LEPR: variants seen among roughly 807,000 people sequenced by gnomAD.
LEPR encodes OB receptor.
Under a neutral mutation model 114.7 loss-of-function variants are expected in LEPR, and 56 were observed. That is an observed-to-expected ratio of 0.49 (90% CI 0.39 to 0.61). The LOEUF (loss-of-function observed/expected upper bound fraction) is 0.61. Ranked by LOEUF, LEPR falls within the 20% of genes least tolerant of loss-of-function variation. The pLI, the probability that LEPR is intolerant of heterozygous loss-of-function variation, is 0.00. For missense variants in LEPR, 1,202 were observed against 1,352.9 expected (o/e 0.89, Z 1.75); for synonymous variants, 443 against 461.4 (o/e 0.96, Z 0.51).
At chr1:65,538,337 C>T (rs1453361515) in intron 2 of LEPR, among the ~76,000 whole-genome samples, 1 of 151,894 alleles carries the variant, frequency 6.6e-6, no homozygotes, top group Non-Finnish European at 1.5e-5. Context: ...TCCTCCTTGC[C>T]ATCTCCTTTT....
At chr1:65,488,272 C>T (rs1570546569) in intron 2 of LEPR, among the ~76,000 whole-genome samples, 1 of 128,730 alleles carries the variant, frequency 7.8e-6, no homozygotes, top group African/African-American at 3.0e-5. Context: ...TTTCTCTTTC[C>T]TCTTTCTTTC....
intron 2 of LEPR, among the ~76,000 whole-genome samples, chr1:65,512,310 C>A (rs1434038832): frequency 6.6e-6 from 1 of 152,130 alleles, no homozygotes; most frequent in African/African-American, 2.4e-5. Context: ...CTGGGGATTA[C>A]AACTGGACAT....
In LEPR at chr1:65,550,955, C is replaced by T. The variant is rs374805156; in HGVS notation, c.-20-14591C>T. Among the ~76,000 whole-genome samples the T allele has an allele frequency of 6.6e-5, 10 of 151,920 alleles. No homozygotes were observed. In the East Asian group the frequency reaches 1.4e-3, roughly 21 times the overall value. ...GACCAGAGCTGTTCCTATTCGGCCA[C>T]CTTGGCTCCTCCCCCCATCATGTGG... On this transcript the variant is annotated intron_variant, in intron 2 of 19. Transcript: ENST00000349533.
rs141990947 is a variant in LEPR, at chr1:65,507,437, T to TTG, written c.-20-58087_-20-58086dup. Among the ~76,000 whole-genome samples, 1,347 of 138,770 alleles carry TTG rather than the reference T, an allele frequency of 9.7e-3. 20 individuals are homozygous for TTG. Among genetic ancestry groups the TTG allele is most frequent in the African/African-American group, 0.027 (1,010 of 37,592 alleles). 91.0% of individuals were successfully genotyped at this position (138,770 alleles called of 152,430 possible). The stretch of plus-strand genomic sequence containing the variant: ...TTTTAAAATGCTGAATAGTATTCCA[T>TTG]TGTGTGTGTGTGTGTGTGTGTGTAT... On this transcript the variant is annotated intron_variant, in intron 2 of 19. Transcript: ENST00000349533.
chr1:65,517,915 A>G (rs189973959), intron 2 of LEPR, among the ~76,000 whole-genome samples: 1 of 152,200 alleles, frequency 6.6e-6, no homozygotes, highest in African/African-American at 2.4e-5. Context: ...AGTTTACAGG[A>G]GCTACATAGA....
chr1:65,517,445 G>C lies in LEPR; in HGVS notation c.-20-48101G>C, dbSNP rs1287422199. On this transcript the variant is annotated intron_variant, in intron 2 of 19. Coordinates refer to ENST00000349533, the MANE Select transcript of LEPR (RefSeq NM_002303.6). ...TGAAAATAAGTTATCTCTGATCTCTGTCTGTATGTTACTTCTCTCCCCTCA... is the reference window on the plus strand; with the variant it reads ...TGAAAATAAGTTATCTCTGATCTCTCTCTGTATGTTACTTCTCTCCCCTCA... Among the ~76,000 whole-genome samples, 3 of 152,170 alleles carry C rather than the reference G, an allele frequency of 2.0e-5. No homozygotes were observed. The East Asian group carries it at 5.8e-4, about 29-fold the overall frequency.
intron 11 of LEPR, among the ~76,000 whole-genome samples, chr1:65,608,552 G>C (rs1656970726): frequency 6.6e-6 from 1 of 152,056 alleles, no homozygotes; most frequent in Admixed American, 6.5e-5. Context: ...TTTCAGTCAA[G>C]TCTATATTTG....
chr1:65,610,427 G>A lies in LEPR; in HGVS notation c.1995+131G>A, dbSNP rs957427474. 22 of 802,024 alleles carry A rather than the reference G, an allele frequency of 2.7e-5. No individual in the cohort carries two copies. The East Asian group carries it at 5.9e-4, about 22-fold the overall frequency. The allele number at this position is 802,024 out of a possible 1,614,324, so 49.7% of individuals were successfully genotyped here. On this transcript the variant is annotated intron_variant, in intron 14 of 19. Coordinates refer to ENST00000349533, the MANE Select transcript of LEPR (RefSeq NM_002303.6). The stretch of plus-strand genomic sequence containing the variant: ...TGTATTTTCATTGCATTTATGAGAT[G>A]TATTTAAAGAGAGCTAAGATGTACA...
intron 2 of LEPR, among the ~76,000 whole-genome samples, chr1:65,494,500 G>T (rs951664368): frequency 6.6e-6 from 1 of 151,986 alleles, no homozygotes; most frequent in Admixed American, 6.6e-5. Context: ...TCCTCCACTA[G>T]CATGTACCCC....
chr1:65,602,687 C>G (rs1440513120), intron 10 of LEPR, among the ~76,000 whole-genome samples: 2 of 151,918 alleles, frequency 1.3e-5, no homozygotes, highest in Non-Finnish European at 2.9e-5. Context: ...GTAGTGGAGA[C>G]TTTCAATTTG....
intron 2 of LEPR, among the ~76,000 whole-genome samples, chr1:65,438,188 T>C (rs1646592275): frequency 7.1e-6 from 1 of 141,342 alleles, no homozygotes; most frequent in Admixed American, 7.6e-5. Flanking sequence ...ATAAATAATA[T>C]AAATAAAATA....
chr1:65,573,669 T>C lies in LEPR; in HGVS notation c.494+1220T>C, dbSNP rs371042686. Among the ~76,000 whole-genome samples, 172 of 152,292 alleles carry C rather than the reference T, an allele frequency of 1.1e-3. 1 individual carries two copies. In the Middle Eastern group the frequency reaches 0.017, roughly 15 times the overall value. ...CTCGCTTCCTTCAGTTCTGCAGTTA[T>C]TGAGATAATACCGTTGAGGAGCAAT... On this transcript the variant is annotated intron_variant, in intron 5 of 19. Coordinates refer to ENST00000349533, the MANE Select transcript of LEPR (RefSeq NM_002303.6).
In LEPR at chr1:65,562,688, G is replaced by GT. The variant is rs1457725681; in HGVS notation, c.-20-2857dup. Among the ~76,000 whole-genome samples, 2 of 11,378 alleles carry GT rather than the reference G, an allele frequency of 1.8e-4. 1 individual carries two copies. Among genetic ancestry groups the GT allele is most frequent in the Non-Finnish European group, 3.2e-4 (2 of 6,192 alleles). The allele number at this position is 11,378 out of a possible 152,430, so 7.5% of individuals were successfully genotyped here. A position where few individuals can be genotyped will look rare whatever the true frequency, so the allele number is the denominator to read the frequency against. ...TTTTGGCATGATTTTGCAGCGGCTGGTACCGGTTGTTCCTTTCCATGTTTA... is the reference window on the plus strand; with the variant it reads ...TTTTGGCATGATTTTGCAGCGGCTGGTTACCGGTTGTTCCTTTCCATGTTTA... On this transcript the variant is annotated intron_variant, in intron 2 of 19. Coordinates refer to ENST00000349533, the MANE Select transcript of LEPR (RefSeq NM_002303.6).
intron 2 of LEPR, among the ~76,000 whole-genome samples, chr1:65,538,760 G>C (rs1182115648): frequency 6.6e-6 from 1 of 151,198 alleles, no homozygotes; most frequent in African/African-American, 2.4e-5. Context: ...TTGTTGTTTG[G>C]TAATTTCTTA....
chr1:65,615,506 C>A (rs975196515), intron 14 of LEPR, among the ~76,000 whole-genome samples: 3 of 152,042 alleles, frequency 2.0e-5, no homozygotes, highest in Non-Finnish European at 4.4e-5. Context: ...AGATAATCTT[C>A]CAAGAGTATC....
At chr1:65,475,000 C>G (rs1180952679) in intron 2 of LEPR, among the ~76,000 whole-genome samples, 2 of 109,272 alleles carry the variant, frequency 1.8e-5, no homozygotes, top group Admixed American at 2.1e-4. Flanking sequence ...GTGCGAGACT[C>G]CATCTCAAAA....
chr1:65,597,541 A>C (rs562806971), intron 7 of LEPR, among the ~76,000 whole-genome samples: 1 of 152,000 alleles, frequency 6.6e-6, no homozygotes, highest in Non-Finnish European at 1.5e-5. Context: ...GGTAATGTAG[A>C]TATCTGGGTA....
chr1:65,585,217 T>C (rs7524458), intron 5 of LEPR, among the ~76,000 whole-genome samples: 34,499 of 151,976 alleles, frequency 0.23, 4,222 homozygotes, highest in South Asian at 0.28. Flanking sequence ...TTAAAATAAG[T>C]GACTTGATTA....
At chr1:65,436,883 T>C (rs1013240801) in intron 2 of LEPR, among the ~76,000 whole-genome samples, 1 of 152,272 alleles carries the variant, frequency 6.6e-6, no homozygotes, top group South Asian at 2.1e-4. Context: ...ATTGCACTTA[T>C]CAATTTAAAG....
Sources: gnomAD v4.1 joint callset for allele counts (sites outside exome capture counted in the v4.1 genomes callset) on GRCh38, gnomAD v4.1.1 for gene constraint, MANE v1.5 for transcripts, NCBI Gene and HGNC (gene_info 2026-07-23, HGNC 2026-07-21) for gene names.